The following ANO3 variants were observed in gnomAD, a reference collection of about 807,000 sequenced individuals.
ANO3 encodes the protein anoctamin-3.
Under a neutral mutation model 144.8 loss-of-function variants are expected in ANO3, and 99 were observed. That is an observed-to-expected ratio of 0.68 (90% CI 0.58 to 0.81). The LOEUF is 0.81. Ranked by LOEUF, ANO3 falls within the 30% of genes least tolerant of loss-of-function variation. ANO3 has a pLI of 0.00. For missense variants in ANO3, 905 were observed against 1,202.2 expected (o/e 0.75, Z 3.66); for synonymous variants, 414 against 392.6 (o/e 1.05, Z -0.64).
At chr11:26,617,392 T>A (rs1457373101) in intron 17 of ANO3, among the ~76,000 whole-genome samples, 4 of 152,230 alleles carry the variant, frequency 2.6e-5, no homozygotes, top group African/African-American at 9.6e-5. Context: ...AAGGCTGAAC[T>A]CAGTGGAGTG....
intron 1 of ANO3, among the ~76,000 whole-genome samples, chr11:26,340,636 A>T (rs115982308): frequency 0.072 from 11,023 of 152,202 alleles, 527 homozygotes; most frequent in South Asian, 0.15. Flanking sequence ...TATTATAACT[A>T]TGTGCACATT....
Position 26,619,858 on chromosome 11 carries a change from AG to A in ANO3, c.1837-4603del, listed in dbSNP as rs549892285. 4.1e-4 allele frequency among the ~76,000 whole-genome samples: 63 copies of A among 152,332 alleles called. No individual in the cohort carries two copies. In the East Asian group the frequency reaches 0.011, roughly 28 times the overall value. On this transcript the variant is annotated intron_variant, in intron 17 of 26. Coordinates refer to ENST00000256737, the MANE Select transcript of ANO3 (RefSeq NM_031418.4). ...AACAAATCATTCAAAAATACTCTCT[AG>A]TAATTCTTATCCAGCCAGCCCCTCA...
intron 4 of ANO3, among the ~76,000 whole-genome samples, chr11:26,465,331 G>A (rs1859566191): frequency 2.0e-5 from 3 of 147,110 alleles, no homozygotes; most frequent in Non-Finnish European, 4.6e-5. Context: ...TAAATTATAT[G>A]GCTGAAGATG....
chr11:26,264,627 G>A (rs1234306340), intron 1 of ANO3, among the ~76,000 whole-genome samples: 1 of 152,082 alleles, frequency 6.6e-6, no homozygotes, highest in African/African-American at 2.4e-5. Context: ...GCTTAAATAA[G>A]AGAAATTTAT....
At chr11:26,266,744 A>G (rs926078615) in intron 1 of ANO3, among the ~76,000 whole-genome samples, 1 of 151,280 alleles carries the variant, frequency 6.6e-6, no homozygotes, top group Non-Finnish European at 1.5e-5. Flanking sequence ...CCAAATGTAA[A>G]TATTTCTAAA....
chr11:26,369,548 T>C (rs1004434852), intron 1 of ANO3, among the ~76,000 whole-genome samples: 1 of 152,158 alleles, frequency 6.6e-6, no homozygotes, highest in African/African-American at 2.4e-5. Flanking sequence ...AAACATTCAG[T>C]CAATTATCAA....
intron 17 of ANO3, among the ~76,000 whole-genome samples, chr11:26,615,605 G>T (rs1448031687): frequency 2.0e-5 from 3 of 151,938 alleles, no homozygotes; most frequent in Non-Finnish European, 4.4e-5. Context: ...GACTAAATGA[G>T]TAACCTCTCT....
chr11:26,248,262 C>T (rs922720189), intron 1 of ANO3, among the ~76,000 whole-genome samples: 3 of 151,900 alleles, frequency 2.0e-5, no homozygotes, highest in African/African-American at 7.2e-5. Context: ...CGCTTGAACC[C>T]GGGAGGCGGA....
intron 1 of ANO3, chr11:26,309,750 C>T: frequency 1.0e-6 from 1 of 959,554 alleles, no homozygotes; most frequent in Non-Finnish European, 1.2e-6. Context: ...TTCAAGAGCT[C>T]CCACCAACTC....
intron 1 of ANO3, among the ~76,000 whole-genome samples, chr11:26,317,932 A>C (rs1024606666): frequency 6.6e-6 from 1 of 152,232 alleles, no homozygotes; most frequent in African/African-American, 2.4e-5. Flanking sequence ...GCATCCATAA[A>C]AAAGGATGAG....
chr11:26,250,921 C>G (rs930322497), intron 1 of ANO3, among the ~76,000 whole-genome samples: 1 of 152,170 alleles, frequency 6.6e-6, no homozygotes, highest in East Asian at 1.9e-4. Flanking sequence ...AGAACACATA[C>G]ATGAGCCTAT....
chr11:26,330,798 TGAATC>T (rs1397427318), upstream of ANO3, among the ~76,000 whole-genome samples: 11 of 152,322 alleles, frequency 7.2e-5, no homozygotes, highest in Admixed American at 6.5e-4. Flanking sequence ...GCACCACAGA[TGAATC>T]AAACAGCATA....
chr11:26,342,264 T>C (rs1477886500), intron 1 of ANO3, among the ~76,000 whole-genome samples: 1 of 152,166 alleles, frequency 6.6e-6, no homozygotes, highest in Non-Finnish European at 1.5e-5. Context: ...TAAATGCATG[T>C]GCTATGGTCT....
Position 26,634,324 on chromosome 11 carries a change from A to G in ANO3, c.1985+9A>G, listed in dbSNP as rs376091383. On this transcript the variant is annotated intron_variant, in intron 19 of 26. Coordinates refer to ENST00000256737, the MANE Select transcript of ANO3 (RefSeq NM_031418.4). ...GCTTTCTTTTTGGGAAGGTAAGTCA[A>G]CTTTTTGTACATTATCTTCGCAGAG... 16 of 1,522,082 alleles carry G rather than the reference A, an allele frequency of 1.1e-5. No homozygotes were observed. The highest frequency in any genetic ancestry group is 1.5e-5 in the Non-Finnish European group (16 of 1,096,738). The allele number at this position is 1,522,082 out of a possible 1,614,324, so 94.3% of individuals were successfully genotyped here. A position where few individuals can be genotyped will look rare whatever the true frequency, so the allele number is the denominator to read the frequency against.
chr11:26,530,459 G>GTCTGTCTA (rs1554965955), intron 7 of ANO3, among the ~76,000 whole-genome samples: 2 of 123,950 alleles, frequency 1.6e-5, no homozygotes, highest in African/African-American at 3.0e-5. Flanking sequence ...CTATCTGTCT[G>GTCTGTCTA]TCTATCTATC....
At chr11:26,657,826 T>G (rs1853741001) in intron 26 of ANO3, among the ~76,000 whole-genome samples, 1 of 152,192 alleles carries the variant, frequency 6.6e-6, no homozygotes, top group African/African-American at 2.4e-5. Context: ...GTTTAGAACA[T>G]TTTTTCTGTC....
At chr11:26,452,576 T>C (rs1454232172) in intron 3 of ANO3, among the ~76,000 whole-genome samples, 2 of 152,166 alleles carry the variant, frequency 1.3e-5, no homozygotes, top group Non-Finnish European at 2.9e-5. Flanking sequence ...AATATGGGAC[T>C]ATGTGAAAAG....
At chr11:26,484,236 T>TG (rs1565053174) in intron 4 of ANO3, among the ~76,000 whole-genome samples, 1 of 152,054 alleles carries the variant, frequency 6.6e-6, no homozygotes, top group African/African-American at 2.4e-5. Context: ...CTGATTTTCT[T>TG]GGGGGGAGTT....
intron 1 of ANO3, among the ~76,000 whole-genome samples, chr11:26,254,276 T>C (rs1398619281): frequency 6.6e-6 from 1 of 152,084 alleles, no homozygotes; most frequent in African/African-American, 2.4e-5. Flanking sequence ...CTAAATAGTT[T>C]AGGAGCTAAT....
Sources: allele counts gnomAD v4.1 joint callset (sites outside exome capture counted in the v4.1 genomes callset), GRCh38; gene constraint gnomAD v4.1.1; transcripts MANE v1.5; gene names NCBI Gene and HGNC (gene_info 2026-07-23, HGNC 2026-07-21).